The following JMJD1C variants were observed in gnomAD, a reference collection of about 807,000 sequenced individuals.
JMJD1C encodes the protein jumonji domain containing 1C, also known as jumonji domain-containing protein 1C.
JMJD1C carries 31 observed loss-of-function variants against 245.3 expected under a neutral mutation model. That is an observed-to-expected ratio of 0.13 (90% CI 0.09 to 0.17). The LOEUF (loss-of-function observed/expected upper bound fraction) is 0.17. JMJD1C is among the 10% of genes least tolerant of loss of function. The probability of loss-of-function intolerance (pLI) is 1.00; values close to 1 mark genes in which losing one functional copy is unlikely to be tolerated. For missense variants in JMJD1C, 2,691 were observed against 3,000.2 expected, an observed-to-expected ratio of 0.90 and a Z score of 2.41; for synonymous variants, 1,057 against 1,017.4, an observed-to-expected ratio of 1.04 and a Z score of -0.74.
intron 2 of JMJD1C, among the ~76,000 whole-genome samples, chr10:63,267,082 T>G (rs1855664651): frequency 2.0e-5 from 3 of 152,170 alleles, no homozygotes; most frequent in Non-Finnish European, 4.4e-5. Context: ...TGATCAAATT[T>G]GAATACTCTT....
chr10:63,223,369 A>C (rs1848856660), intron 3 of JMJD1C, among the ~76,000 whole-genome samples: 1 of 151,862 alleles, frequency 6.6e-6, no homozygotes, highest in Non-Finnish European at 1.5e-5. Flanking sequence ...CTGGGATTAC[A>C]GGCGCATACC....
intron 1 of JMJD1C, chr10:63,521,542 G>T: frequency 7.0e-7 from 1 of 1,435,138 alleles, no homozygotes; most frequent in Non-Finnish European, 9.2e-7. Flanking sequence ...AAGCCCCCGT[G>T]AAGATGGTGT....
At chr10:63,424,007 T>C (rs959385500) in intron 1 of JMJD1C, among the ~76,000 whole-genome samples, 9 of 152,220 alleles carry the variant, frequency 5.9e-5, no homozygotes, top group Admixed American at 2.0e-4. Context: ...TGTTCAAGTT[T>C]TAGAAGTTCT....
chr10:63,519,803 G>C (rs769803475), intron 1 of JMJD1C, among the ~76,000 whole-genome samples: 15 of 152,164 alleles, frequency 9.9e-5, no homozygotes, highest in Admixed American at 3.3e-4. Context: ...TAGGGAACGG[G>C]TACATTAGGA....
intron 1 of JMJD1C, among the ~76,000 whole-genome samples, chr10:63,446,032 C>T (rs977550189): frequency 1.3e-4 from 19 of 151,752 alleles, no homozygotes; most frequent in Non-Finnish European, 2.9e-5. Context: ...CGTGCCACCA[C>T]GCCTAGCTAA....
intron 2 of JMJD1C, among the ~76,000 whole-genome samples, chr10:63,265,958 G>A (rs985967427): frequency 5.3e-5 from 8 of 152,002 alleles, no homozygotes; most frequent in Admixed American, 5.2e-4. Context: ...ACTTCAAGAT[G>A]TTTGGTTTGG....
intron 1 of JMJD1C, among the ~76,000 whole-genome samples, chr10:63,505,822 T>G: frequency 1.0e-5 from 1 of 100,200 alleles, no homozygotes; most frequent in African/African-American, 4.0e-5. Flanking sequence ...CCCCCCACAG[T>G]ACCCACCCCC....
At chr10:63,349,185 T>TC (rs1944124843) in intron 2 of JMJD1C, among the ~76,000 whole-genome samples, 1 of 134,568 alleles carries the variant, frequency 7.4e-6, no homozygotes, top group East Asian at 2.4e-4. Flanking sequence ...AAAAGGAAGC[T>TC]CCCCAAAGCC....
chr10:63,268,734 A>C lies in JMJD1C; in HGVS notation c.334-3970T>G. The C allele has an allele frequency of 3.0e-6, 3 of 985,120 alleles. No homozygotes were observed. In the South Asian group the frequency reaches 1.4e-4, roughly 46 times the overall value. The allele number at this position is 985,120 out of a possible 1,614,324, so 61.0% of individuals were successfully genotyped here. A position where few individuals can be genotyped will look rare whatever the true frequency, so the allele number is the denominator to read the frequency against. ...AACAAGGCTTTAAAGGTCAGTAAGT[A>C]TTTGCTGAAATTTCTATTTTGTTCT... On this transcript the variant is annotated intron_variant, in intron 2 of 25. Transcript: ENST00000399262.
chr10:63,317,367 C>G (rs1940215454), intron 2 of JMJD1C, among the ~76,000 whole-genome samples: 1 of 151,986 alleles, frequency 6.6e-6, no homozygotes, highest in African/African-American at 2.4e-5. Flanking sequence ...TAGCTTGGCA[C>G]AGTGGCGTGT....
chr10:63,248,385 G>A (rs770483944), intron 3 of JMJD1C, among the ~76,000 whole-genome samples: 1 of 123,964 alleles, frequency 8.1e-6, no homozygotes, highest in Non-Finnish European at 2.0e-5. Flanking sequence ...GCTGGGCGTG[G>A]TGGCAGGTGC....
chr10:63,377,721 C>CAGGA (rs905490525), intron 2 of JMJD1C, among the ~76,000 whole-genome samples: 6 of 151,230 alleles, frequency 4.0e-5, no homozygotes, highest in African/African-American at 1.5e-4. Flanking sequence ...GGCGACAGAG[C>CAGGA]AAGACTCCGT....
chr10:63,462,219 C>T (rs539125266), intron 1 of JMJD1C, among the ~76,000 whole-genome samples: 1 of 152,262 alleles, frequency 6.6e-6, no homozygotes, highest in Non-Finnish European at 1.5e-5. Context: ...AAAAGGTTCT[C>T]ACGCCATATT....
intron 2 of JMJD1C, among the ~76,000 whole-genome samples, chr10:63,304,569 T>C (rs1051461052): frequency 6.6e-6 from 1 of 152,240 alleles, no homozygotes; most frequent in Non-Finnish European, 1.5e-5. Context: ...TAATTCAAAA[T>C]GTAAGATTAC....
At chr10:63,481,333 C>T (rs1045337403) in intron 1 of JMJD1C, among the ~76,000 whole-genome samples, 7 of 152,106 alleles carry the variant, frequency 4.6e-5, no homozygotes, top group African/African-American at 1.7e-4. Context: ...CAGAATATGA[C>T]AATATGTACA....
chr10:63,388,128 A>G lies in JMJD1C; in HGVS notation c.169-7646T>C, dbSNP rs1947775840. Reference sequence around the variant, plus strand: ...TGGCAAAAAGTTTAGATACTCAGATAAAGCACAAAGATCCCCAAAGGTATA... The same window carrying G: ...TGGCAAAAAGTTTAGATACTCAGATGAAGCACAAAGATCCCCAAAGGTATA... On this transcript the variant is annotated intron_variant, in intron 1 of 25. Coordinates refer to ENST00000399262, the MANE Select transcript of JMJD1C (RefSeq NM_032776.3). Among the ~76,000 whole-genome samples the G allele has an allele frequency of 3.3e-5, 5 of 152,260 alleles. No individual in the cohort carries two copies. The South Asian group carries it at 1.0e-3, about 32-fold the overall frequency.
At chr10:63,328,117 A>G (rs752368791) in intron 2 of JMJD1C, among the ~76,000 whole-genome samples, 1 of 152,122 alleles carries the variant, frequency 6.6e-6, no homozygotes, top group African/African-American at 2.4e-5. Flanking sequence ...TCTACTAAAA[A>G]TACAAAAATT....
At chr10:63,206,538 GTAT>G (rs1345536682) in intron 10 of JMJD1C, 54 bp downstream of exon 10, 1 of 1,359,854 alleles carries the variant, frequency 7.4e-7, no homozygotes, top group East Asian at 2.3e-5. Flanking sequence ...CAGCACACTA[GTAT>G]AGCTAAAACA....
intron 3 of JMJD1C, among the ~76,000 whole-genome samples, chr10:63,229,479 T>A (rs1035010868): frequency 6.6e-6 from 1 of 152,128 alleles, no homozygotes; most frequent in South Asian, 2.1e-4. Flanking sequence ...ATTTATACTA[T>A]CCATGTAATT....
Sources: gnomAD v4.1 joint callset for allele counts (sites outside exome capture counted in the v4.1 genomes callset) on GRCh38, gnomAD v4.1.1 for gene constraint, MANE v1.5 for transcripts, NCBI Gene and HGNC (gene_info 2026-07-23, HGNC 2026-07-21) for gene names.